The following ATAD2 variants were observed in gnomAD, a reference collection of about 807,000 sequenced individuals.
The protein encoded by ATAD2 is ATPase family AAA domain containing 2.
In ATAD2, 62 loss-of-function variants were observed where a neutral mutation model predicts 168.9. The ratio of observed to expected loss-of-function variants is 0.37; its 90% CI spans 0.30 to 0.45. The LOEUF (loss-of-function observed/expected upper bound fraction) is 0.45. ATAD2 is among the 20% of genes least tolerant of loss of function. The pLI, the probability that ATAD2 is intolerant of heterozygous loss-of-function variation, is 1.00. For missense variants in ATAD2, 1,419 were observed against 1,667.8 expected (o/e 0.85, Z 2.60); for synonymous variants, 613 against 571.6 (o/e 1.07, Z -1.03).
chr8:123,376,431 A>T (rs1829319269), intron 2 of ATAD2, among the ~76,000 whole-genome samples: 1 of 151,498 alleles, frequency 6.6e-6, no homozygotes, highest in Non-Finnish European at 1.5e-5. Flanking sequence ...GCATGGTGGC[A>T]CATGACTGTA....
At chr8:123,401,056 C>A, upstream of ATAD2, 1 of 1,572,070 alleles carries the variant, frequency 6.4e-7, no homozygotes, top group Non-Finnish European at 8.7e-7. Context: ...CGTCACTTCC[C>A]GAGACATCGA....
In ATAD2 at chr8:123,327,245, G is replaced by T. The variant is rs551721404; in HGVS notation, c.3868+945C>A. Among the ~76,000 whole-genome samples the T allele has an allele frequency of 4.6e-5, 7 of 152,272 alleles. No homozygotes were observed. The South Asian group carries it at 1.4e-3, about 32-fold the overall frequency. On this transcript the variant is annotated intron_variant, in intron 25 of 27. Coordinates refer to ENST00000287394, the MANE Select transcript of ATAD2 (RefSeq NM_014109.4). ...CTAAGGATATACATCTAATTGTTGT[G>T]AGAGCCAGGATAAGAACTCAGACTT...
chr8:123,354,613 G>A (rs992615864), intron 13 of ATAD2, among the ~76,000 whole-genome samples: 1 of 151,400 alleles, frequency 6.6e-6, no homozygotes, highest in East Asian at 1.9e-4. Flanking sequence ...AGGCTGAGGC[G>A]GGCTGATCAC....
chr8:123,325,794 C>T, intron 26 of ATAD2, 99 bp downstream of exon 26: 1 of 1,453,110 alleles, frequency 6.9e-7, no homozygotes, highest in Non-Finnish European at 9.3e-7. Context: ...TTTACTTTTT[C>T]ATGTAAATCC....
chr8:123,403,336 G>C (rs1164104905), intron 1 of ATAD2, among the ~76,000 whole-genome samples: 1 of 152,018 alleles, frequency 6.6e-6, no homozygotes, highest in Non-Finnish European at 1.5e-5. Flanking sequence ...CTGAGCTCAG[G>C]TGATCTGCCC....
At position 123,412,917 on chromosome 8, in the gene ATAD2, G is replaced by A. The variant is rs533806097; in HGVS notation, c.-2282+3331C>T. Among the ~76,000 whole-genome samples, 7 of 152,190 alleles carry A rather than the reference G, an allele frequency of 4.6e-5. No individual in the cohort carries two copies. In the South Asian group the frequency reaches 1.5e-3, roughly 32 times the overall value. ...GCTTAAGAAAGCTCAAAGCTCCCAG[G>A]AAAATTTACTATTTGTTGTTGCCAG... On this transcript the variant is annotated intron_variant, in intron 1 of 28. Transcript: ENST00000521903.
intron 1 of ATAD2, among the ~76,000 whole-genome samples, chr8:123,394,560 T>C (rs954949312): frequency 1.3e-5 from 2 of 150,628 alleles, no homozygotes; most frequent in African/African-American, 4.9e-5. Context: ...ACCCGGGAGG[T>C]GGAGGTTGAG....
rs1418993941 is a variant in ATAD2 at position 123,371,712 on chromosome 8, C to T, written c.494G>A (p.Ser165Asn). ...AAACAGCATGGACTGGTTTACACCA[C>T]TATAACGACTTCTAATCCTACAACT... ...RRSCRIRSRYSGVNQSMLFDK... is the reference protein window; with the variant it reads ...RRSCRIRSRYNGVNQSMLFDK... Residue 165 changes from serine to asparagine, a missense_variant, in exon 4 of 28, where the codon AGT becomes AAT. Around this residue, in one of 5 missense-constraint regions of ATAD2, gnomAD observed 419 missense variants for 423.5 expected, o/e 0.99. Coordinates refer to ENST00000287394, the MANE Select transcript of ATAD2 (RefSeq NM_014109.4). 6.2e-7 allele frequency: 1 copy of T among 1,613,370 alleles called. No homozygotes were observed. The highest frequency in any genetic ancestry group is 8.5e-7 in the Non-Finnish European group (1 of 1,179,732).
chr8:123,324,389 T>C (rs1031156043), intron 26 of ATAD2, among the ~76,000 whole-genome samples: 3 of 152,204 alleles, frequency 2.0e-5, no homozygotes, highest in Non-Finnish European at 4.4e-5. Context: ...GTGGCCAAAA[T>C]AAAACAGGTA....
intron 19 of ATAD2, among the ~76,000 whole-genome samples, chr8:123,343,121 A>T (rs1252052529): frequency 1.3e-5 from 2 of 151,860 alleles, no homozygotes; most frequent in East Asian, 3.9e-4. Context: ...AGTAACTGGG[A>T]TTACGGGCAC....
At chr8:123,371,477 A>C (rs1217171549) in intron 4 of ATAD2, 139 bp from the exon 5 acceptor site, 1 of 847,480 alleles carries the variant, frequency 1.2e-6, no homozygotes, top group African/African-American at 1.7e-5. Context: ...TACTTGTATA[A>C]AAATATTTTA....
upstream of ATAD2, among the ~76,000 whole-genome samples, chr8:123,398,925 A>T (rs1248997916): frequency 6.6e-6 from 1 of 152,258 alleles, no homozygotes; most frequent in Non-Finnish European, 1.5e-5. Context: ...AGTACAGTTT[A>T]AAAAATTTAA....
upstream of ATAD2, chr8:123,400,562 G>A (rs1017021095): frequency 6.2e-6 from 3 of 484,824 alleles, no homozygotes; most frequent in Admixed American, 2.7e-5. The surrounding 1 kb of genome is among the most constrained non-coding windows in gnomAD (Gnocchi z 4.5). Context: ...TTGGGTCGCC[G>A]GGTCTCTGGC....
intron 19 of ATAD2, chr8:123,342,525 G>A (rs894511641): frequency 5.9e-5 from 9 of 151,906 alleles, no homozygotes; most frequent in Non-Finnish European, 1.3e-4. Context: ...CCTTCAATAA[G>A]TTGGATTTTT....
chr8:123,359,700 T>G lies in ATAD2; in HGVS notation c.1158-15A>C. ...GTGGGAGGCACCTATTTAAAAAGAT[T>G]TTTTAAAACCACACAAACCCATCAA... On this transcript the variant is annotated splice_polypyrimidine_tract_variant and intron_variant, in intron 9 of 27. Transcript: ENST00000287394. 1.3e-6 allele frequency: 2 copies of G among 1,587,336 alleles called. No homozygotes were observed. Among genetic ancestry groups the G allele is most frequent in the Non-Finnish European group, 1.7e-6 (2 of 1,158,300 alleles).
Position 123,334,200 on chromosome 8 carries a change from CTCTTT to C in ATAD2, c.3329_3333del (p.Lys1110ArgfsTer3). 1 of 1,576,944 alleles carries C rather than the reference CTCTTT, an allele frequency of 6.3e-7. No homozygotes were observed. The highest frequency in any genetic ancestry group is 8.6e-7 in the Non-Finnish European group (1 of 1,168,748). ...CAAATCAACCAAATCACTTTCCTAC[CTCTTT>C]TCTTTCTAGATTCCTGAATTTCTTC... On this transcript the variant is annotated frameshift_variant and splice_region_variant, in exon 23 of 28. Transcript: ENST00000287394. LOFTEE classifies it high-confidence loss of function.
upstream of ATAD2, chr8:123,401,114 T>C (rs1812990245): frequency 5.0e-6 from 7 of 1,391,462 alleles, no homozygotes; most frequent in East Asian, 2.3e-5. Context: ...GAGGTGATGA[T>C]GCCAAGGATT....
At chr8:123,398,047 G>A (rs1659071266), upstream of ATAD2, among the ~76,000 whole-genome samples, 2 of 151,944 alleles carry the variant, frequency 1.3e-5, no homozygotes, top group African/African-American at 4.8e-5. Flanking sequence ...CAAACCCTGA[G>A]ATGAAAAGAC....
At chr8:123,326,153 T>A in intron 25 of ATAD2, 127 bp from the exon 26 acceptor site, 1 of 962,788 alleles carries the variant, frequency 1.0e-6, no homozygotes, top group Non-Finnish European at 1.5e-6. Flanking sequence ...TCTGGCTTAT[T>A]AACTCATTCT....
Sources: allele counts gnomAD v4.1 joint callset (sites outside exome capture counted in the v4.1 genomes callset), GRCh38; gene constraint gnomAD v4.1.1; regional missense constraint gnomAD v4.1.1; non-coding constraint Gnocchi (gnomAD v3.1); transcripts MANE v1.5; gene names NCBI Gene and HGNC (gene_info 2026-07-23, HGNC 2026-07-21).